NBEA: variants seen among roughly 807,000 people sequenced by gnomAD.
NBEA encodes the protein neurobeachin, also known as lysosomal-trafficking regulator 2.
Under a neutral mutation model 343.4 loss-of-function variants are expected in NBEA, and 44 were observed. The ratio of observed to expected loss-of-function variants is 0.13; its 90% CI spans 0.10 to 0.16. The LOEUF (loss-of-function observed/expected upper bound fraction) is 0.16. NBEA is among the 10% of genes least tolerant of loss of function. NBEA has a pLI of 1.00. For missense variants in NBEA, 2,555 were observed against 3,631.3 expected (o/e 0.70, Z 7.62); for synonymous variants, 1,175 against 1,238.7 (o/e 0.95, Z 1.08).
At chr13:35,054,209 T>G (rs1458267831) in intron 6 of NBEA, among the ~76,000 whole-genome samples, 1 of 152,170 alleles carries the variant, frequency 6.6e-6, no homozygotes, top group Admixed American at 6.6e-5. Context: ...ATATAAAGTT[T>G]GTGTCTTCTG....
At chr13:35,433,099 A>T (rs1448905390) in intron 39 of NBEA, among the ~76,000 whole-genome samples, 1 of 152,104 alleles carries the variant, frequency 6.6e-6, no homozygotes, top group African/African-American at 2.4e-5. Flanking sequence ...CAGTAGAACT[A>T]TACCCTAAAT....
chr13:35,379,835 A>G (rs2041923312), intron 38 of NBEA, among the ~76,000 whole-genome samples: 1 of 151,568 alleles, frequency 6.6e-6, no homozygotes, highest in Non-Finnish European at 1.5e-5. Flanking sequence ...CAGTTTGTCT[A>G]TTTTTAGACC....
chr13:35,343,977 G>A (rs949770185), intron 36 of NBEA, among the ~76,000 whole-genome samples: 18 of 151,906 alleles, frequency 1.2e-4, no homozygotes, highest in Admixed American at 7.9e-4. Flanking sequence ...AAAAATTGTC[G>A]TCCATGAAAC....
At chr13:35,278,128 AATAT>A (rs1329982192) in intron 34 of NBEA, among the ~76,000 whole-genome samples, 8 of 147,836 alleles carry the variant, frequency 5.4e-5, no homozygotes, top group Admixed American at 3.4e-4. Flanking sequence ...ATATACATAA[AATAT>A]ATATATATGC....
At chr13:35,124,404 T>A (rs1231622676) in intron 17 of NBEA, among the ~76,000 whole-genome samples, 3 of 151,212 alleles carry the variant, frequency 2.0e-5, no homozygotes, top group Non-Finnish European at 4.4e-5. Context: ...AAAGAATAAT[T>A]AAGTAAGGGA....
At chr13:35,387,003 T>G (rs1461967851) in intron 38 of NBEA, among the ~76,000 whole-genome samples, 2 of 152,168 alleles carry the variant, frequency 1.3e-5, no homozygotes, top group Non-Finnish European at 2.9e-5. Flanking sequence ...TTTTTTTCAC[T>G]GAAGTAGTGA....
intron 36 of NBEA, among the ~76,000 whole-genome samples, chr13:35,321,131 C>T (rs2038107163): frequency 2.6e-5 from 4 of 152,026 alleles, no homozygotes; most frequent in Admixed American, 2.6e-4. Flanking sequence ...AGTTTCGTTC[C>T]CCTGCTGGCG....
chr13:35,124,729 T>C (rs9706622), intron 17 of NBEA, among the ~76,000 whole-genome samples: 4 of 151,328 alleles, frequency 2.6e-5, no homozygotes, highest in East Asian at 1.9e-4. Flanking sequence ...TATATACACA[T>C]ATGTATGGAT....
intron 44 of NBEA, 42 bp downstream of exon 44, chr13:35,555,144 C>A (rs2079520784): frequency 1.8e-6 from 2 of 1,116,004 alleles, no homozygotes; most frequent in Non-Finnish European, 1.3e-6. Flanking sequence ...TGTTTATGTT[C>A]ATCAAAATCA....
intron 38 of NBEA, among the ~76,000 whole-genome samples, chr13:35,401,106 A>G (rs2042984576): frequency 6.6e-6 from 1 of 151,920 alleles, no homozygotes; most frequent in Non-Finnish European, 1.5e-5. Flanking sequence ...TCCTTTCCAC[A>G]TTACTGTAAG....
intron 38 of NBEA, among the ~76,000 whole-genome samples, chr13:35,423,499 A>G (rs2044436383): frequency 6.6e-6 from 1 of 151,934 alleles, no homozygotes; most frequent in Admixed American, 6.6e-5. Flanking sequence ...GTTCTGTTCC[A>G]TTGTTCTATA....
At chr13:35,386,941 T>C (rs2152896397) in intron 38 of NBEA, among the ~76,000 whole-genome samples, 1 of 152,288 alleles carries the variant, frequency 6.6e-6, no homozygotes, top group Non-Finnish European at 1.5e-5. Flanking sequence ...AATGGCAACC[T>C]ATCAATTTTA....
At chr13:35,654,188 T>C (rs2084692278) in intron 53 of NBEA, among the ~76,000 whole-genome samples, 1 of 152,180 alleles carries the variant, frequency 6.6e-6, no homozygotes, top group Admixed American at 6.5e-5. Context: ...TTCCTGACTT[T>C]ATTCAGATTC....
intron 55 of NBEA, 141 bp downstream of exon 55, chr13:35,655,890 A>G (rs187795906): frequency 4.4e-6 from 3 of 679,302 alleles, no homozygotes; most frequent in East Asian, 5.5e-5. Context: ...TCTGTACTGG[A>G]ACGTAGCTAT....
At chr13:34,971,685 G>A (rs1770038202) in intron 1 of NBEA, among the ~76,000 whole-genome samples, 1 of 152,074 alleles carries the variant, frequency 6.6e-6, no homozygotes, top group Admixed American at 6.5e-5. Context: ...AGCCAACCTT[G>A]TATCCTGGGG....
intron 38 of NBEA, among the ~76,000 whole-genome samples, chr13:35,422,299 T>A (rs28786522): frequency 1.1e-5 from 1 of 92,136 alleles, no homozygotes; most frequent in Non-Finnish European, 2.1e-5. Flanking sequence ...CCTTCCCCCC[T>A]CCCCCCACCC....
Position 35,041,068 on chromosome 13 carries a change from C to A in NBEA, c.430C>A (p.Leu144Ile). 1 of 1,613,130 alleles carries A rather than the reference C, an allele frequency of 6.2e-7. No individual in the cohort carries two copies. Among genetic ancestry groups the A allele is most frequent in the Non-Finnish European group, 8.5e-7 (1 of 1,179,426 alleles). The change falls in exon 2 of 59, where the codon CTA becomes ATA. Residue 144 changes from leucine (L) to isoleucine (I), a missense_variant. Transcript: ENST00000379939. ...AATATGGAGCATGTTTACAGCCATT[C>A]TACGAAAAAGTGTTCGGAATTTACA... ...AEIWSMFTAI[L>I]RKSVRNLQTS...
chr13:35,174,766 T>C (rs546161768), intron 27 of NBEA, among the ~76,000 whole-genome samples: 1 of 152,180 alleles, frequency 6.6e-6, no homozygotes, highest in East Asian at 1.9e-4. Context: ...GCAGTGTCTA[T>C]GTGTTATAGA....
chr13:35,280,891 A>T (rs544022952), intron 34 of NBEA, among the ~76,000 whole-genome samples: 112 of 152,186 alleles, frequency 7.4e-4, no homozygotes, highest in Admixed American at 2.3e-3. Flanking sequence ...ATTCTGAGTA[A>T]TAAAAGTACC....
Sources: allele counts gnomAD v4.1 joint callset (sites outside exome capture counted in the v4.1 genomes callset), GRCh38; gene constraint gnomAD v4.1.1; transcripts MANE v1.5; gene names NCBI Gene and HGNC (gene_info 2026-07-23, HGNC 2026-07-21).